CDC14A: variants seen among roughly 807,000 people sequenced by gnomAD.
CDC14A encodes cell division cycle 14A.
In CDC14A, 53 loss-of-function variants were observed where a neutral mutation model predicts 74.4. The ratio of observed to expected loss-of-function variants is 0.71; its 90% CI spans 0.57 to 0.89. The LOEUF (loss-of-function observed/expected upper bound fraction) is 0.89. Ranked by LOEUF, CDC14A falls within the 40% of genes least tolerant of loss-of-function variation. The pLI, the probability that CDC14A is intolerant of heterozygous loss-of-function variation, is 0.00. For missense variants in CDC14A, 646 were observed against 713.7 expected, an observed-to-expected ratio of 0.91 and a Z score of 1.08; for synonymous variants, 247 against 258.4, an observed-to-expected ratio of 0.96 and a Z score of 0.43.
At chr1:100,366,939 C>T (rs929383258) in intron 2 of CDC14A, among the ~76,000 whole-genome samples, 7 of 152,088 alleles carry the variant, frequency 4.6e-5, no homozygotes, top group Admixed American at 3.3e-4. Flanking sequence ...GATGAACGCA[C>T]GGGTACTCTG....
intron 10 of CDC14A, among the ~76,000 whole-genome samples, chr1:100,474,212 G>A (rs1416239544): frequency 2.0e-5 from 3 of 152,164 alleles, no homozygotes; most frequent in Non-Finnish European, 4.4e-5. Context: ...TGGTCATGGT[G>A]TGTAATTCTT....
At chr1:100,457,609 C>A (rs1009360057) in intron 8 of CDC14A, among the ~76,000 whole-genome samples, 23 of 151,172 alleles carry the variant, frequency 1.5e-4, no homozygotes, top group Non-Finnish European at 3.1e-4. Flanking sequence ...CAAGGCACAG[C>A]CCACCACACC....
intron 4 of CDC14A, among the ~76,000 whole-genome samples, chr1:100,401,974 G>T (rs1355513739): frequency 6.6e-6 from 1 of 151,918 alleles, no homozygotes; most frequent in African/African-American, 2.4e-5. Flanking sequence ...GGAGGCGGAG[G>T]TTGTGGTGAG....
chr1:100,473,624 G>A (rs1368075887), intron 10 of CDC14A, among the ~76,000 whole-genome samples: 1 of 152,094 alleles, frequency 6.6e-6, no homozygotes, highest in African/African-American at 2.4e-5. Context: ...CTGACCTCAG[G>A]TTATCCTCCC....
chr1:100,422,732 T>G (rs926873681), intron 4 of CDC14A, among the ~76,000 whole-genome samples: 1 of 152,240 alleles, frequency 6.6e-6, no homozygotes, highest in Non-Finnish European at 1.5e-5. Flanking sequence ...CAGACCTTCA[T>G]GTTTACTTGC....
chr1:100,514,144 A>G (rs529175273), intron 15 of CDC14A, among the ~76,000 whole-genome samples: 9 of 146,292 alleles, frequency 6.2e-5, no homozygotes, highest in African/African-American at 2.2e-4. Flanking sequence ...TTCTAAAATA[A>G]TATTTGTACT....
At chr1:100,416,525 C>T (rs1326103789) in intron 4 of CDC14A, among the ~76,000 whole-genome samples, 1 of 152,112 alleles carries the variant, frequency 6.6e-6, no homozygotes, top group African/African-American at 2.4e-5. Context: ...CATCTGTACT[C>T]TATAATCAGA....
intron 3 of CDC14A, among the ~76,000 whole-genome samples, chr1:100,378,566 AGAGAATTT>A (rs951838967): frequency 2.6e-5 from 4 of 152,320 alleles, no homozygotes; most frequent in African/African-American, 9.6e-5. Flanking sequence ...GCAGTCTGAT[AGAGAATTT>A]CCTGTAGAAT....
Position 100,394,686 on chromosome 1 carries a change from T to C in CDC14A, c.309+3862T>C, listed in dbSNP as rs563720079. ...CTAGTTACAGTCTTGAGAAGCAGTG[T>C]GAAGTGATTATTCTTGAACTGGTCA... On this transcript the variant is annotated intron_variant, in intron 4 of 15. Coordinates refer to ENST00000336454, the MANE Select transcript of CDC14A (RefSeq NM_003672.4). Among the ~76,000 whole-genome samples, 6 of 152,350 alleles carry C rather than the reference T, an allele frequency of 3.9e-5. No homozygotes were observed. The South Asian group carries it at 1.0e-3, about 26-fold the overall frequency.
At position 100,420,120 on chromosome 1, in the gene CDC14A, GTTTTTTTTTTT is replaced by G. The variant is rs61463263; in HGVS notation, c.310-4087_310-4077del. Among the ~76,000 whole-genome samples the G allele has an allele frequency of 1.2e-4, 6 of 48,202 alleles. 1 individual carries two copies. Among genetic ancestry groups the G allele is most frequent in the East Asian group, 1.1e-3 (2 of 1,764 alleles). 31.6% of individuals were successfully genotyped at this position (48,202 alleles called of 152,430 possible). ...GTGTGTGTTATGCTTTGCTGAAAAG[GTTTTTTTTTTT>G]TTTTTTTTTTTTTTGGAGGAAAAAT... On this transcript the variant is annotated intron_variant, in intron 4 of 15. Transcript: ENST00000336454.
Position 100,390,719 on chromosome 1 carries a change from C to G in CDC14A, c.217-13C>G, listed in dbSNP as rs544984501. 1 of 1,549,248 alleles carries G rather than the reference C, an allele frequency of 6.5e-7. No individual in the cohort carries two copies. Among genetic ancestry groups the G allele is most frequent in the South Asian group, 1.1e-5 (1 of 89,716 alleles). On this transcript the variant is annotated splice_polypyrimidine_tract_variant and intron_variant, in intron 3 of 15. Transcript: ENST00000336454. ...CTATGGTTACACTAACTCTTTTTAT[C>G]TCCTCTTTCTAGTCATACAGTTTGT...
intron 7 of CDC14A, among the ~76,000 whole-genome samples, chr1:100,450,790 T>C (rs1666065851): frequency 6.6e-6 from 1 of 152,180 alleles, no homozygotes; most frequent in African/African-American, 2.4e-5. Flanking sequence ...TCTTTAATGA[T>C]TGTTTGGTAT....
chr1:100,375,843 T>G (rs1293758270), intron 2 of CDC14A, among the ~76,000 whole-genome samples: 3 of 152,144 alleles, frequency 2.0e-5, no homozygotes, highest in African/African-American at 4.8e-5. Flanking sequence ...AAAGACACAT[T>G]CACACGTATG....
intron 9 of CDC14A, among the ~76,000 whole-genome samples, chr1:100,466,647 G>C (rs1266341722): frequency 6.6e-6 from 1 of 152,158 alleles, no homozygotes; most frequent in East Asian, 1.9e-4. Flanking sequence ...GAGGAGGGCA[G>C]ATCACCTGAG....
At position 100,424,281 on chromosome 1, in the gene CDC14A, C is replaced by A; in HGVS notation, c.369C>A (p.Asn123Lys). The A allele has an allele frequency of 6.2e-7, 1 of 1,608,700 alleles. No individual in the cohort carries two copies. The highest frequency in any genetic ancestry group is 8.5e-7 in the Non-Finnish European group (1 of 1,175,410). The change falls in exon 5 of 16, where the codon AAC becomes AAA. Residue 123 changes from asparagine to lysine, a missense_variant. By Grantham distance (94) the Asn-to-Lys change is moderately conservative (BLOSUM62 0). Transcript: ENST00000336454. ...EAYRALLSGS[N>K]PPYLPFRDAS... ...ACAGAGCACTCCTGTCTGGCTCAAA[C>A]CCCCCCTATCTTCCATTCAGGTATA...
At chr1:100,430,113 G>A (rs2101096775) in intron 5 of CDC14A, among the ~76,000 whole-genome samples, 2 of 152,186 alleles carry the variant, frequency 1.3e-5, no homozygotes, top group South Asian at 2.1e-4. Context: ...ACACTCTGAG[G>A]CATATTTCCT....
intron 1 of CDC14A, among the ~76,000 whole-genome samples, chr1:100,346,434 C>G (rs1283138587): frequency 6.6e-6 from 1 of 152,002 alleles, no homozygotes; most frequent in Non-Finnish European, 1.5e-5. Context: ...AACCTCAAGA[C>G]CAGCCTGGGC....
upstream of CDC14A, chr1:100,351,866 CA>C: frequency 7.0e-7 from 1 of 1,436,444 alleles, no homozygotes; most frequent in South Asian, 1.2e-5. Flanking sequence ...GCTTCTTTTT[CA>C]ATTGTATTTT....
chr1:100,454,723 C>T (rs1237851651), intron 7 of CDC14A, among the ~76,000 whole-genome samples: 1 of 152,142 alleles, frequency 6.6e-6, no homozygotes, highest in Non-Finnish European at 1.5e-5. Flanking sequence ...AGAGTTTTCA[C>T]ATGAAAATTC....
Sources: gnomAD v4.1 joint callset for allele counts (sites outside exome capture counted in the v4.1 genomes callset) on GRCh38, gnomAD v4.1.1 for gene constraint, MANE v1.5 for transcripts, NCBI Gene and HGNC (gene_info 2026-07-23, HGNC 2026-07-21) for gene names.